WWOX: variants seen among roughly 807,000 people sequenced by gnomAD.
WWOX encodes the protein WW domain-containing oxidoreductase.
Under a neutral mutation model 46.2 loss-of-function variants are expected in WWOX, and 69 were observed. The ratio of observed to expected loss-of-function variants is 1.49; its 90% CI spans 1.23 to 1.82. The LOEUF (loss-of-function observed/expected upper bound fraction) is 1.82. Among genes scored for constraint, WWOX ranks in the 40% most tolerant of loss-of-function variants. The pLI, the probability that WWOX is intolerant of heterozygous loss-of-function variation, is 0.00. For synonymous variants in WWOX, 359 were observed against 202.6 expected, an observed-to-expected ratio of 1.77 and a Z score of -6.56; for missense variants, 919 against 542.6, an observed-to-expected ratio of 1.69 and a Z score of -6.89.
intron 8 of WWOX, among the ~76,000 whole-genome samples, chr16:78,792,399 C>A (rs2050630034): frequency 6.6e-6 from 1 of 152,140 alleles, no homozygotes; most frequent in South Asian, 2.1e-4. Flanking sequence ...ACATAAAAAG[C>A]TCGGAGATGG....
chr16:78,101,363 TA>T (rs1555533362), intron 1 of WWOX, among the ~76,000 whole-genome samples: 1 of 143,420 alleles, frequency 7.0e-6, no homozygotes, highest in Admixed American at 7.1e-5. Flanking sequence ...TTTTTTTTTT[TA>T]AAGACAGGGT....
intron 5 of WWOX, among the ~76,000 whole-genome samples, chr16:78,315,834 C>T (rs1223667792): frequency 6.6e-6 from 1 of 151,962 alleles, no homozygotes; most frequent in Non-Finnish European, 1.5e-5. Context: ...AAAAAAAATA[C>T]ATAGAAGATA....
At chr16:78,939,333 C>G (rs760947983) in intron 8 of WWOX, among the ~76,000 whole-genome samples, 4 of 152,192 alleles carry the variant, frequency 2.6e-5, no homozygotes, top group Non-Finnish European at 5.9e-5. Context: ...ATGTGTGTCC[C>G]TTACAGATGA....
intron 8 of WWOX, among the ~76,000 whole-genome samples, chr16:78,472,918 T>G (rs2084261849): frequency 1.3e-5 from 2 of 151,870 alleles, no homozygotes; most frequent in African/African-American, 4.8e-5. Context: ...TTCTTCCCAG[T>G]CTGTGGTTTA....
chr16:78,964,025 C>G (rs1211825576), intron 8 of WWOX, among the ~76,000 whole-genome samples: 1 of 152,210 alleles, frequency 6.6e-6, no homozygotes, highest in African/African-American at 2.4e-5. Flanking sequence ...GATTCTGAGA[C>G]CTCCCCAGCC....
chr16:79,152,170 C>A (rs113351072), intron 8 of WWOX, among the ~76,000 whole-genome samples: 1 of 152,210 alleles, frequency 6.6e-6, no homozygotes, highest in African/African-American at 2.4e-5. Flanking sequence ...TTGGAACTTG[C>A]TTGCATCCCT....
chr16:79,113,110 A>G (rs1184748014), intron 8 of WWOX, among the ~76,000 whole-genome samples: 1 of 152,216 alleles, frequency 6.6e-6, no homozygotes, highest in Non-Finnish European at 1.5e-5. Context: ...AGCAATCAGA[A>G]AAACATATGT....
At chr16:78,355,631 G>C (rs995406166) in intron 5 of WWOX, 1 of 602,728 alleles carries the variant, frequency 1.7e-6, no homozygotes, top group African/African-American at 1.9e-5. Context: ...AATGAGAAAC[G>C]ACCGAGAGCT....
intron 6 of WWOX, among the ~76,000 whole-genome samples, chr16:78,420,356 G>C (rs1375898003): frequency 6.6e-6 from 1 of 152,034 alleles, no homozygotes; most frequent in African/African-American, 2.4e-5. Context: ...CCAATAAATG[G>C]AAACAATCCA....
Position 78,341,292 on chromosome 16 carries a change from G to A in WWOX, c.517-45568G>A, listed in dbSNP as rs1286808417. The stretch of plus-strand genomic sequence containing the variant: ...ACTGCTGGGATTATAGGCATGAATC[G>A]CTGTGCCTGGCCTCAACTTTAAATT... On this transcript the variant is annotated intron_variant, in intron 5 of 8. Transcript: ENST00000566780. Among the ~76,000 whole-genome samples, 4 of 119,470 alleles carry A rather than the reference G, an allele frequency of 3.3e-5. 1 individual carries two copies. The highest frequency in any genetic ancestry group is 8.0e-5 in the Non-Finnish European group (4 of 50,230). The allele number at this position is 119,470 out of a possible 152,430, so 78.4% of individuals were successfully genotyped here. A position where few individuals can be genotyped will look rare whatever the true frequency, so the allele number is the denominator to read the frequency against.
intron 8 of WWOX, among the ~76,000 whole-genome samples, chr16:78,932,406 G>C (rs549493242): frequency 1.3e-5 from 2 of 152,280 alleles, no homozygotes; most frequent in Admixed American, 1.3e-4. Flanking sequence ...CCTATGCCTG[G>C]ATAAGAACAT....
At chr16:78,902,970 C>G (rs375422342) in intron 8 of WWOX, among the ~76,000 whole-genome samples, 1 of 152,316 alleles carries the variant, frequency 6.6e-6, no homozygotes. Flanking sequence ...TGGATGAGTC[C>G]TTTTGTTACC....
intron 8 of WWOX, among the ~76,000 whole-genome samples, chr16:79,122,023 T>G (rs1485889404): frequency 6.6e-6 from 1 of 152,180 alleles, no homozygotes; most frequent in Non-Finnish European, 1.5e-5. Context: ...TTAAGAGCAT[T>G]AATTCCTTAC....
chr16:78,682,442 T>A (rs992161247), intron 8 of WWOX, among the ~76,000 whole-genome samples: 1 of 152,150 alleles, frequency 6.6e-6, no homozygotes, highest in South Asian at 2.1e-4. Flanking sequence ...TAGCCGGGTC[T>A]GGTGGTGGCG....
intron 8 of WWOX, among the ~76,000 whole-genome samples, chr16:78,957,717 G>C (rs9319531): frequency 1 from 151,821 of 152,352 alleles, 75,648 homozygotes; most frequent in Middle Eastern, 1. Flanking sequence ...GAACCTCTCC[G>C]TTAGGAGAAG....
At chr16:79,128,431 C>G (rs988952953) in intron 8 of WWOX, among the ~76,000 whole-genome samples, 8 of 151,680 alleles carry the variant, frequency 5.3e-5, no homozygotes, top group African/African-American at 1.9e-4. Flanking sequence ...TTAACACTTT[C>G]AGCAACCCTG....
In WWOX at chr16:79,120,062, G is replaced by A. The variant is rs1051793987; in HGVS notation, c.1057-91546G>A. Among the ~76,000 whole-genome samples, 4 of 152,182 alleles carry A rather than the reference G, an allele frequency of 2.6e-5. No homozygotes were observed. The South Asian group carries it at 8.3e-4, about 32-fold the overall frequency. ...GCAGGGAAACCGCAACTGCCTGCAG[G>A]AAGAGTGCAGTTTATTTAGATAACA... On this transcript the variant is annotated intron_variant, in intron 8 of 8. Transcript: ENST00000566780.
intron 8 of WWOX, among the ~76,000 whole-genome samples, chr16:78,435,222 G>C (rs544988024): frequency 2.6e-5 from 4 of 152,190 alleles, no homozygotes; most frequent in East Asian, 3.9e-4. Flanking sequence ...CAATGAATTG[G>C]ACGAAGGTTG....
intron 8 of WWOX, among the ~76,000 whole-genome samples, chr16:79,017,774 A>C (rs1453445299): frequency 6.6e-6 from 1 of 152,138 alleles, no homozygotes; most frequent in Admixed American, 6.6e-5. Context: ...TTTGATATGA[A>C]TATTTCCACC....
Sources: allele counts gnomAD v4.1 joint callset (sites outside exome capture counted in the v4.1 genomes callset), GRCh38; gene constraint gnomAD v4.1.1; transcripts MANE v1.5; gene names NCBI Gene and HGNC (gene_info 2026-07-23, HGNC 2026-07-21).